CADM2: variants seen among roughly 807,000 people sequenced by gnomAD.
CADM2 encodes immunoglobulin superfamily member 4D.
Under a neutral mutation model 49.8 loss-of-function variants are expected in CADM2, and 12 were observed. The observed-to-expected ratio is 0.24, with a 90% confidence interval of 0.15 to 0.39. The LOEUF is 0.39. Among genes scored for constraint, CADM2 ranks in the 10% least tolerant of loss-of-function variants. The pLI, the probability that CADM2 is intolerant of heterozygous loss-of-function variation, is 1.00. For missense variants in CADM2, 378 were observed against 492.3 expected (o/e 0.77, Z 2.20); for synonymous variants, 214 against 175.4 (o/e 1.22, Z -1.74).
chr3:85,924,640 C>T (rs989037838), intron 6 of CADM2, among the ~76,000 whole-genome samples: 4 of 143,502 alleles, frequency 2.8e-5, no homozygotes, highest in Admixed American at 2.1e-4. Flanking sequence ...TTAAAATGAA[C>T]GAAAGTGCTG....
At chr3:85,198,353 T>C (rs2041399188) in intron 1 of CADM2, among the ~76,000 whole-genome samples, 1 of 151,702 alleles carries the variant, frequency 6.6e-6, no homozygotes, top group African/African-American at 2.4e-5. Context: ...GGGAGATGTG[T>C]TCTTTATTTC....
At chr3:85,486,323 C>T (rs983601576) in intron 1 of CADM2, among the ~76,000 whole-genome samples, 9 of 150,172 alleles carry the variant, frequency 6.0e-5, no homozygotes, top group Non-Finnish European at 1.5e-5. Context: ...GAAATAGAAA[C>T]ATTTTGGCTA....
intron 1 of CADM2, among the ~76,000 whole-genome samples, chr3:85,084,003 A>G (rs2037276527): frequency 6.6e-6 from 1 of 152,154 alleles, no homozygotes; most frequent in Admixed American, 6.6e-5. Flanking sequence ...GCATGCAATG[A>G]AGTACCCAAT....
At chr3:85,142,039 C>T (rs1218385673) in intron 1 of CADM2, among the ~76,000 whole-genome samples, 1 of 152,230 alleles carries the variant, frequency 6.6e-6, no homozygotes, top group East Asian at 1.9e-4. Flanking sequence ...AGTTTATCCA[C>T]ATTTATTAGC....
chr3:85,413,169 A>AAAAAAAT (rs2035755696), intron 1 of CADM2, among the ~76,000 whole-genome samples: 1 of 136,266 alleles, frequency 7.3e-6, no homozygotes, highest in African/African-American at 2.6e-5. Flanking sequence ...AAAAATAATA[A>AAAAAAAT]TAATAATAAT....
chr3:85,107,492 C>A (rs936505531), intron 1 of CADM2, among the ~76,000 whole-genome samples: 2 of 152,060 alleles, frequency 1.3e-5, no homozygotes, highest in African/African-American at 4.8e-5. Context: ...AAAATTAGGT[C>A]CCTTAAGCAT....
intron 2 of CADM2, among the ~76,000 whole-genome samples, chr3:85,788,824 T>A (rs1434324539): frequency 6.6e-6 from 1 of 152,104 alleles, no homozygotes; most frequent in Admixed American, 6.6e-5. Context: ...AAAAATTCTG[T>A]ATTTGAAATA....
chr3:86,062,785 C>T (rs1255038182), intron 8 of CADM2, among the ~76,000 whole-genome samples: 2 of 151,318 alleles, frequency 1.3e-5, no homozygotes, highest in African/African-American at 2.4e-5. Flanking sequence ...AAACATAAAA[C>T]GAAACATAGT....
At chr3:85,649,041 GA>G (rs1559568768) in intron 1 of CADM2, among the ~76,000 whole-genome samples, 1 of 151,996 alleles carries the variant, frequency 6.6e-6, no homozygotes, top group East Asian at 1.9e-4. Context: ...ACTGGGTGAA[GA>G]AATTACTTTT....
intron 3 of CADM2, among the ~76,000 whole-genome samples, chr3:85,820,785 T>C (rs1386887848): frequency 1.3e-5 from 2 of 152,148 alleles, no homozygotes; most frequent in Admixed American, 6.6e-5. Context: ...TTATCAGGCT[T>C]GATGGCTTAA....
intron 1 of CADM2, among the ~76,000 whole-genome samples, chr3:85,346,675 AAC>A (rs1240800862): frequency 3.9e-5 from 6 of 152,222 alleles, no homozygotes; most frequent in Non-Finnish European, 8.8e-5. Flanking sequence ...TAAAAATGCA[AAC>A]ACAAATTCTC....
rs2063531758 is a variant in CADM2, at chr3:85,606,157, A to G, written c.62-120365A>G. On this transcript the variant is annotated intron_variant, in intron 1 of 9. Transcript: ENST00000383699. ...TCTTCTTGGAACAACCTTTTTTATT[A>G]TTATTAATCCCTACTTTATATAAAA... Among the ~76,000 whole-genome samples, 4 of 152,100 alleles carry G rather than the reference A, an allele frequency of 2.6e-5. No individual in the cohort carries two copies. In the South Asian group the frequency reaches 8.3e-4, roughly 31 times the overall value.
At chr3:85,156,409 C>T (rs934076315) in intron 1 of CADM2, among the ~76,000 whole-genome samples, 13 of 152,070 alleles carry the variant, frequency 8.5e-5, no homozygotes, top group Non-Finnish European at 1.6e-4. Flanking sequence ...ATACACTCTC[C>T]CAAGACTAAA....
At chr3:85,776,969 T>C (rs1402535235) in intron 2 of CADM2, among the ~76,000 whole-genome samples, 1 of 152,132 alleles carries the variant, frequency 6.6e-6, no homozygotes, top group African/African-American at 2.4e-5. Flanking sequence ...AATCACAATT[T>C]AATGCATTCC....
intron 1 of CADM2, among the ~76,000 whole-genome samples, chr3:85,203,406 C>G (rs2041557905): frequency 6.6e-6 from 1 of 151,928 alleles, no homozygotes; most frequent in South Asian, 2.1e-4. Flanking sequence ...AAGAAAGTGT[C>G]AAGGGAAGGG....
chr3:85,116,933 C>T (rs1383563598), intron 1 of CADM2, among the ~76,000 whole-genome samples: 2 of 152,092 alleles, frequency 1.3e-5, no homozygotes, highest in African/African-American at 4.8e-5. Flanking sequence ...CGGTGACTCA[C>T]CCATGTAATC....
intron 1 of CADM2, among the ~76,000 whole-genome samples, chr3:85,614,385 T>A (rs942610540): frequency 6.6e-6 from 1 of 151,684 alleles, no homozygotes; most frequent in Non-Finnish European, 1.5e-5. Context: ...TACACATATA[T>A]ATACTAGTTA....
chr3:85,648,025 T>C (rs929752684), intron 1 of CADM2, among the ~76,000 whole-genome samples: 2 of 151,912 alleles, frequency 1.3e-5, no homozygotes, highest in African/African-American at 4.8e-5. Flanking sequence ...GCAATTGAAA[T>C]GAGTTACATC....
rs891600797 is a variant in CADM2, at chr3:86,067,553, T to C, written c.*770T>C. On this transcript the variant is annotated 3_prime_UTR_variant, in exon 10 of 10. Transcript: ENST00000383699. ...TTTGGAATCACAAATATTTAATTCA[T>C]TTCTCTAATTTGATTCTATAATTTA... is the stretch of plus-strand genomic sequence containing the variant. The C allele has an allele frequency of 2.0e-5, 3 of 152,558 alleles. No individual in the cohort carries two copies. Among genetic ancestry groups the C allele is most frequent in the African/African-American group, 7.2e-5 (3 of 41,452 alleles). 9.5% of individuals were successfully genotyped at this position (152,558 alleles called of 1,614,324 possible).
Sources: allele counts gnomAD v4.1 joint callset (sites outside exome capture counted in the v4.1 genomes callset), GRCh38; gene constraint gnomAD v4.1.1; transcripts MANE v1.5; gene names NCBI Gene and HGNC (gene_info 2026-07-23, HGNC 2026-07-21).